Variants in TRIP12 observed in about 807,000 individuals in gnomAD.
TRIP12 encodes the protein thyroid hormone receptor interactor 12.
In TRIP12, 25 loss-of-function variants were observed where a neutral mutation model predicts 244.2. The ratio of observed to expected loss-of-function variants is 0.10; its 90% CI spans 0.07 to 0.14. TRIP12 has a LOEUF of 0.14. Ranked by LOEUF, TRIP12 falls within the 10% of genes least tolerant of loss-of-function variation. The probability of loss-of-function intolerance (pLI) is 1.00; values close to 1 mark genes in which losing one functional copy is unlikely to be tolerated. For missense variants in TRIP12, 1,677 were observed against 2,486.4 expected (o/e 0.67, Z 6.92); for synonymous variants, 905 against 873.1 (o/e 1.04, Z -0.64).
At chr2:229,839,009 C>T (rs1024411405) in intron 5 of TRIP12, among the ~76,000 whole-genome samples, 2 of 152,170 alleles carry the variant, frequency 1.3e-5, no homozygotes, top group Non-Finnish European at 2.9e-5. Context: ...ATCATTCCCC[C>T]CTGCATTACT....
At chr2:229,892,050 C>T (rs894765424) in intron 1 of TRIP12, among the ~76,000 whole-genome samples, 2 of 152,212 alleles carry the variant, frequency 1.3e-5, no homozygotes, top group African/African-American at 4.8e-5. Context: ...TTCATTCCTT[C>T]AGCAAATATT....
intron 4 of TRIP12, among the ~76,000 whole-genome samples, chr2:229,855,001 T>A (rs2059346782): frequency 6.6e-6 from 1 of 152,248 alleles, no homozygotes; most frequent in Non-Finnish European, 1.5e-5. Flanking sequence ...CAGTAGCTTA[T>A]GCCTGTAATC....
chr2:229,858,943 T>C lies in TRIP12; in HGVS notation c.856A>G (p.Arg286Gly), dbSNP rs1463123010. 1 of 1,614,190 alleles carries C rather than the reference T, an allele frequency of 6.2e-7. No individual in the cohort carries two copies. The highest frequency in any genetic ancestry group is 8.5e-7 in the Non-Finnish European group (1 of 1,180,030). The change falls in exon 4 of 42, where the codon AGA becomes GGA. Residue 286 changes from arginine (R) to glycine (G), a missense_variant. Transcript: ENST00000675903. Reference protein sequence around the residue: ...SRSASSPSPRRSSREKEQSKT... With the variant: ...SRSASSPSPRGSSREKEQSKT... ...CTCTGTTCCTTTTCCCTGCTACTTC[T>C]TCTGGGGCTGGGACTGGACGCTGAA...
At chr2:229,795,518 C>T (rs2042591796) in intron 25 of TRIP12, among the ~76,000 whole-genome samples, 188 bp from the exon 26 acceptor site, 2 of 152,172 alleles carry the variant, frequency 1.3e-5, no homozygotes, top group African/African-American at 2.4e-5. Context: ...CTGTTTTGTA[C>T]AGCCCACAAT....
At chr2:229,920,416 C>CAGTT (rs1375429066) in intron 1 of TRIP12, among the ~76,000 whole-genome samples, 3 of 152,126 alleles carry the variant, frequency 2.0e-5, no homozygotes, top group Non-Finnish European at 4.4e-5. Flanking sequence ...AGCAGGAGAG[C>CAGTT]AGTTAGACGT....
chr2:229,802,376 A>T lies in TRIP12; in HGVS notation c.3082T>A (p.Ser1028Thr). ...CTGACTGAAGTTGTGGATCCCATGGATCCCGATCCATTCGTACATGCCTTT... is the reference window on the plus strand; with the variant it reads ...CTGACTGAAGTTGTGGATCCCATGGTTCCCGATCCATTCGTACATGCCTTT... ...PPKACTNGSG[S>T]MGSTTSVSSG... The change falls in exon 21 of 42, where the codon TCC (serine) becomes ACC (threonine). Residue 1028 changes from serine to threonine, a missense_variant. By Grantham distance (58) the Ser-to-Thr change is moderately conservative. Coordinates refer to ENST00000675903, the MANE Select transcript of TRIP12 (RefSeq NM_001348323.3). 5 of 1,613,968 alleles carry T rather than the reference A, an allele frequency of 3.1e-6. No homozygotes were observed. The highest frequency in any genetic ancestry group is 4.2e-6 in the Non-Finnish European group (5 of 1,179,986).
intron 32 of TRIP12, 111 bp downstream of exon 32, chr2:229,788,687 A>G (rs924723955): frequency 1.0e-5 from 14 of 1,372,334 alleles, no homozygotes; most frequent in African/African-American, 2.9e-5. Context: ...GATCAACAGT[A>G]TTAATAAACA....
intron 40 of TRIP12, 141 bp from the exon 41 acceptor site, chr2:229,768,860 T>TCAAA: frequency 2.3e-5 from 19 of 809,126 alleles, no homozygotes; most frequent in Non-Finnish European, 3.4e-5. Context: ...TGTACTTAAA[T>TCAAA]TCGTTTCTGT....
chr2:229,876,650 T>C (rs1044372068), intron 2 of TRIP12, among the ~76,000 whole-genome samples: 5 of 152,212 alleles, frequency 3.3e-5, no homozygotes, highest in Non-Finnish European at 7.3e-5. Flanking sequence ...TATGTCCCAC[T>C]ACTTTGTTTA....
intron 34 of TRIP12, among the ~76,000 whole-genome samples, chr2:229,779,323 T>C (rs2037314793): frequency 1.3e-5 from 2 of 152,200 alleles, no homozygotes; most frequent in African/African-American, 4.8e-5. Flanking sequence ...TTTTTCTCTT[T>C]AGTGAACTGT....
intron 1 of TRIP12, among the ~76,000 whole-genome samples, chr2:229,882,941 T>C (rs1056941357): frequency 1.3e-5 from 2 of 152,238 alleles, no homozygotes; most frequent in Non-Finnish European, 2.9e-5. Context: ...CAAAGCTGTT[T>C]ATCAAATTAC....
At chr2:229,769,510 T>C (rs974590318) in intron 39 of TRIP12, among the ~76,000 whole-genome samples, 185 bp from the exon 40 acceptor site, 1 of 151,848 alleles carries the variant, frequency 6.6e-6, no homozygotes, top group Non-Finnish European at 1.5e-5. Flanking sequence ...TTCCATTTCC[T>C]TTTTAGCTGT....
chr2:229,794,987 TAAGGC>T, intron 26 of TRIP12, 187 bp downstream of exon 26: 3 of 516,806 alleles, frequency 5.8e-6, no homozygotes, highest in Non-Finnish European at 9.7e-6. Flanking sequence ...GCATCCTGTT[TAAGGC>T]ATATGGTATA....
intron 40 of TRIP12, 75 bp downstream of exon 40, chr2:229,769,156 C>A: frequency 8.1e-7 from 1 of 1,228,556 alleles, no homozygotes; most frequent in Non-Finnish European, 1.2e-6. Context: ...CACATGTGCG[C>A]ATGTGTGTGT....
In TRIP12 at chr2:229,802,265, G is replaced by A. The variant is rs775225908; in HGVS notation, c.3193C>T (p.Leu1065Phe). 1 of 1,601,350 alleles carries A rather than the reference G, an allele frequency of 6.2e-7. No individual in the cohort carries two copies. The highest frequency in any genetic ancestry group is 8.5e-7 in the Non-Finnish European group (1 of 1,170,304). ...LQHSRDDSLDLSPQGRLSDVL... is the reference protein window; with the variant it reads ...LQHSRDDSLDFSPQGRLSDVL... Reference sequence around the variant, plus strand: ...ATTCTTACTTACCCTTGAGGGCTGAGATCTAAAGAATCATCCCTGCTGTGC... The same window carrying A: ...ATTCTTACTTACCCTTGAGGGCTGAAATCTAAAGAATCATCCCTGCTGTGC... Residue 1065 changes from leucine to phenylalanine, a missense_variant, in exon 21 of 42, where the codon CTC becomes TTC. Leu to Phe is a conservative substitution (Grantham distance 22). Around this residue, in one of 11 missense-constraint regions of TRIP12, gnomAD observed 572 missense variants for 867.8 expected, o/e 0.66. Transcript: ENST00000675903.
At chr2:229,860,159 T>TTAA (rs750803789) in intron 3 of TRIP12, among the ~76,000 whole-genome samples, 1 of 152,162 alleles carries the variant, frequency 6.6e-6, no homozygotes, top group Non-Finnish European at 1.5e-5. Flanking sequence ...TAATGGTTTG[T>TTAA]TAAGCAAAGG....
chr2:229,821,871 G>C (rs1031504735), intron 8 of TRIP12, among the ~76,000 whole-genome samples: 4 of 152,116 alleles, frequency 2.6e-5, no homozygotes, highest in Non-Finnish European at 5.9e-5. Flanking sequence ...CAGATACCCT[G>C]GCTCACACCT....
intron 16 of TRIP12, 25 bp downstream of exon 16, chr2:229,808,227 A>G: frequency 6.4e-7 from 1 of 1,565,724 alleles, no homozygotes; most frequent in East Asian, 2.2e-5. Flanking sequence ...TGGCCTCCCA[A>G]AGTGATATTT....
chr2:229,772,967 T>C (rs1280389067), intron 38 of TRIP12, among the ~76,000 whole-genome samples: 1 of 152,144 alleles, frequency 6.6e-6, no homozygotes, highest in African/African-American at 2.4e-5. Context: ...TTTTCAAACA[T>C]TGGTAATAAG....
Sources: allele counts gnomAD v4.1 joint callset (sites outside exome capture counted in the v4.1 genomes callset), GRCh38; gene constraint gnomAD v4.1.1; regional missense constraint gnomAD v4.1.1; transcripts MANE v1.5; gene names NCBI Gene and HGNC (gene_info 2026-07-23, HGNC 2026-07-21).